The following KSR2 variants were observed in gnomAD, a reference collection of about 807,000 sequenced individuals.
KSR2 encodes kinase suppressor of ras 2.
A neutral mutation model predicts 107.8 loss-of-function variants in KSR2; 25 were observed. The ratio of observed to expected loss-of-function variants is 0.23; its 90% CI spans 0.17 to 0.32. The LOEUF (loss-of-function observed/expected upper bound fraction) is 0.32, where lower values mean the gene tolerates loss of function less well. KSR2 is among the 10% of genes least tolerant of loss of function. KSR2 has a pLI of 1.00. For missense variants in KSR2, 887 were observed against 1,268.9 expected (o/e 0.70, Z 4.57); for synonymous variants, 480 against 507.0 (o/e 0.95, Z 0.71).
intron 7 of KSR2, among the ~76,000 whole-genome samples, chr12:117,572,057 G>A (rs906443272): frequency 6.6e-6 from 1 of 152,174 alleles, no homozygotes; most frequent in African/African-American, 2.4e-5. Context: ...AAGCTGCAAA[G>A]CAGAACCCAT....
rs147112159 is a variant in KSR2 at position 117,846,414 on chromosome 12, C to T, written c.472+9014G>A. Among the ~76,000 whole-genome samples, 143 of 151,996 alleles carry T rather than the reference C, an allele frequency of 9.4e-4. 2 individuals are homozygous for T. The highest frequency in any genetic ancestry group is 3.4e-3 in the Middle Eastern group (1 of 294). On this transcript the variant is annotated intron_variant, in intron 3 of 19. Coordinates refer to ENST00000339824, the MANE Select transcript of KSR2 (RefSeq NM_173598.6). ...GCTCAGGCAATCCTCCTGCCTCAAC[C>T]CCTCAAGTAGCTGGGACTATAGGTG...
chr12:117,470,350 C>A (rs1406315789), intron 18 of KSR2, among the ~76,000 whole-genome samples: 1 of 151,950 alleles, frequency 6.6e-6, no homozygotes, highest in East Asian at 1.9e-4. Context: ...ATCCACCCAT[C>A]TATGTCAATT....
At chr12:117,794,685 A>G (rs552270313) in intron 3 of KSR2, among the ~76,000 whole-genome samples, 1 of 150,004 alleles carries the variant, frequency 6.7e-6, no homozygotes, top group African/African-American at 2.5e-5. Context: ...ACTCATACCA[A>G]CAGGCACACA....
chr12:117,912,819 C>T (rs1216265493), intron 1 of KSR2, among the ~76,000 whole-genome samples: 1 of 152,190 alleles, frequency 6.6e-6, no homozygotes, highest in East Asian at 1.9e-4. Flanking sequence ...GTTCTCTGAT[C>T]GCAGCTCCTC....
intron 3 of KSR2, among the ~76,000 whole-genome samples, chr12:117,785,498 A>G (rs577536637): frequency 6.6e-6 from 1 of 151,962 alleles, no homozygotes; most frequent in East Asian, 1.9e-4. Flanking sequence ...TACCAGACAT[A>G]AACTTTAAAG....
At chr12:117,590,391 C>T (rs1447007640) in intron 5 of KSR2, among the ~76,000 whole-genome samples, 3 of 152,142 alleles carry the variant, frequency 2.0e-5, no homozygotes, top group South Asian at 2.1e-4. Context: ...ACCAGCTCTG[C>T]CACTTACGAG....
At chr12:117,967,018 T>C (rs923879810) in intron 1 of KSR2, among the ~76,000 whole-genome samples, 1 of 152,102 alleles carries the variant, frequency 6.6e-6, no homozygotes, top group Non-Finnish European at 1.5e-5. Flanking sequence ...AATCAACCCA[T>C]GCGTATAGCT....
chr12:117,582,690 A>G (rs1312277314), intron 5 of KSR2, among the ~76,000 whole-genome samples: 1 of 152,086 alleles, frequency 6.6e-6, no homozygotes, highest in Admixed American at 6.5e-5. Context: ...CTCAAAACAA[A>G]CCCAAGAATA....
intron 5 of KSR2, among the ~76,000 whole-genome samples, chr12:117,601,264 T>C (rs1392948143): frequency 6.8e-6 from 1 of 146,744 alleles, no homozygotes; most frequent in East Asian, 2.1e-4. Flanking sequence ...ACATAAATTG[T>C]CTGTGCTTAC....
At chr12:117,915,767 T>C (rs1351876298) in intron 1 of KSR2, among the ~76,000 whole-genome samples, 4 of 152,202 alleles carry the variant, frequency 2.6e-5, no homozygotes, top group Non-Finnish European at 4.4e-5. Flanking sequence ...CTCCAAGACC[T>C]GAAGAAGATT....
chr12:117,815,673 A>T (rs1891340904), intron 3 of KSR2, among the ~76,000 whole-genome samples: 1 of 152,130 alleles, frequency 6.6e-6, no homozygotes, highest in Non-Finnish European at 1.5e-5. Context: ...TGGGAAGGGT[A>T]TAGAAAGTGT....
intron 2 of KSR2, among the ~76,000 whole-genome samples, chr12:117,859,461 ATTT>A (rs35142684): frequency 7.7e-6 from 1 of 130,638 alleles, no homozygotes. Flanking sequence ...TTTTTTATTT[ATTT>A]TTTTTTTTTT....
At chr12:117,534,822 C>T (rs1437596382) in intron 10 of KSR2, among the ~76,000 whole-genome samples, 1 of 151,896 alleles carries the variant, frequency 6.6e-6, no homozygotes, top group Non-Finnish European at 1.5e-5. Flanking sequence ...GAGATGTGAT[C>T]ATGCAAGCAG....
chr12:117,476,844 C>T (rs1358837323), intron 16 of KSR2, among the ~76,000 whole-genome samples: 2 of 152,216 alleles, frequency 1.3e-5, no homozygotes, highest in Non-Finnish European at 2.9e-5. Flanking sequence ...TCTTGCCCAT[C>T]TTCATTCAAT....
intron 3 of KSR2, among the ~76,000 whole-genome samples, chr12:117,840,507 T>C (rs1455279071): frequency 6.6e-6 from 1 of 152,160 alleles, no homozygotes; most frequent in Admixed American, 6.5e-5. Flanking sequence ...ACAATTATCC[T>C]GCCTCAGCCT....
At chr12:117,787,380 C>T (rs539902891) in intron 3 of KSR2, among the ~76,000 whole-genome samples, 10 of 152,276 alleles carry the variant, frequency 6.6e-5, no homozygotes, top group Non-Finnish European at 7.4e-5. Context: ...CATCTGTAAT[C>T]CCAGCATTTT....
rs528334473 is a variant in KSR2, at chr12:117,529,013, C to T, written c.1803-1894G>A. Among the ~76,000 whole-genome samples, 59 of 152,260 alleles carry T rather than the reference C, an allele frequency of 3.9e-4. No homozygotes were observed. In the South Asian group the frequency reaches 8.5e-3, roughly 22 times the overall value. ...AGCTAGATGTCAGCACCATATCCCCCGGCAAGTTGCTGCTCCTTTGATTTC... is the reference window on the plus strand; with the variant it reads ...AGCTAGATGTCAGCACCATATCCCCTGGCAAGTTGCTGCTCCTTTGATTTC... On this transcript the variant is annotated intron_variant, in intron 12 of 19. Transcript: ENST00000339824.
rs927749324 is a variant in KSR2 at position 117,461,049 on chromosome 12, G to A, written c.*6150C>T. 1 of 152,370 alleles carries A rather than the reference G, an allele frequency of 6.6e-6. No individual in the cohort carries two copies. The highest frequency in any genetic ancestry group is 1.5e-5 in the Non-Finnish European group (1 of 68,202). The allele number at this position is 152,370 out of a possible 1,614,324, so 9.4% of individuals were successfully genotyped here. A position where few individuals can be genotyped will look rare whatever the true frequency, so the allele number is the denominator to read the frequency against. ...CCAGTGCTTTGGGAGGCTGAAGCAG[G>A]GGGATTGCTTGAGACCAGGAGTTCA... is the stretch of plus-strand genomic sequence containing the variant. On this transcript the variant is annotated 3_prime_UTR_variant, in exon 20 of 20. Coordinates refer to ENST00000339824, the MANE Select transcript of KSR2 (RefSeq NM_173598.6).
At chr12:117,546,002 A>G (rs1261976088) in intron 9 of KSR2, among the ~76,000 whole-genome samples, 1 of 152,196 alleles carries the variant, frequency 6.6e-6, no homozygotes, top group Non-Finnish European at 1.5e-5. Context: ...TCAACTCTCA[A>G]GCATAATTTG....
Sources: gnomAD v4.1 joint callset for allele counts (sites outside exome capture counted in the v4.1 genomes callset) on GRCh38, gnomAD v4.1.1 for gene constraint, MANE v1.5 for transcripts, NCBI Gene and HGNC (gene_info 2026-07-23, HGNC 2026-07-21) for gene names.